ARHGAP44: variants seen among roughly 807,000 people sequenced by gnomAD.
ARHGAP44 encodes Rho GTPase activating protein 44.
Under a neutral mutation model 106.8 loss-of-function variants are expected in ARHGAP44, and 43 were observed. The ratio of observed to expected loss-of-function variants is 0.40; its 90% CI spans 0.32 to 0.52. ARHGAP44 has a LOEUF of 0.52. Ranked by LOEUF, ARHGAP44 falls within the 20% of genes least tolerant of loss-of-function variation. ARHGAP44 has a pLI of 0.48. For synonymous variants in ARHGAP44, 439 were observed against 410.3 expected, an observed-to-expected ratio of 1.07 and a Z score of -0.85; for missense variants, 866 against 1,050.5, an observed-to-expected ratio of 0.82 and a Z score of 2.43.
chr17:12,816,248 C>T (rs1254060482), intron 1 of ARHGAP44, among the ~76,000 whole-genome samples: 1 of 152,080 alleles, frequency 6.6e-6, no homozygotes, highest in Non-Finnish European at 1.5e-5. Flanking sequence ...TTTCTCTGCT[C>T]CTCAGCACTC....
At chr17:12,860,856 CTTTTTTT>C (rs71144929) in intron 1 of ARHGAP44, among the ~76,000 whole-genome samples, 64 of 135,850 alleles carry the variant, frequency 4.7e-4, no homozygotes, top group Middle Eastern at 4.3e-3. Context: ...TTTTTCTATT[CTTTTTTT>C]TTTTTTTTTT....
intron 1 of ARHGAP44, among the ~76,000 whole-genome samples, chr17:12,882,999 A>G (rs987303810): frequency 2.6e-5 from 4 of 151,976 alleles, no homozygotes; most frequent in African/African-American, 4.8e-5. Context: ...AAGTTTAGAA[A>G]GAAATATTTC....
chr17:12,886,798 A>C (rs1323269396), intron 1 of ARHGAP44, among the ~76,000 whole-genome samples: 1 of 151,948 alleles, frequency 6.6e-6, no homozygotes, highest in Non-Finnish European at 1.5e-5. Context: ...GTCATATTAC[A>C]CTAACTTAAA....
chr17:12,819,516 A>G (rs939640423), intron 1 of ARHGAP44, among the ~76,000 whole-genome samples: 8 of 151,874 alleles, frequency 5.3e-5, no homozygotes, highest in African/African-American at 1.7e-4. Context: ...AGGTATTTAT[A>G]TCATCTGTAC....
At chr17:12,905,580 G>A (rs1407336020) in intron 3 of ARHGAP44, among the ~76,000 whole-genome samples, 1 of 152,132 alleles carries the variant, frequency 6.6e-6, no homozygotes, top group Non-Finnish European at 1.5e-5. Context: ...CTTGGGCACA[G>A]TTTTCTGCTC....
intron 7 of ARHGAP44, among the ~76,000 whole-genome samples, chr17:12,939,918 A>G (rs1352555694): frequency 6.6e-6 from 1 of 152,218 alleles, no homozygotes; most frequent in African/African-American, 2.4e-5. Flanking sequence ...GAACTCTTGA[A>G]TGATGTTCTC....
intron 1 of ARHGAP44, among the ~76,000 whole-genome samples, chr17:12,883,130 G>C (rs1462688789): frequency 6.7e-6 from 1 of 150,206 alleles, no homozygotes; most frequent in East Asian, 1.9e-4. Flanking sequence ...ATTCTTTAGT[G>C]AATTTTGTCT....
At position 12,974,073 on chromosome 17, in the gene ARHGAP44, T is replaced by C; in HGVS notation, c.1542-16T>C. ...TGTTACGCGTGGGTAAGCGGTGTCT[T>C]TGTGTCCCTCGCCAGCATGGGTGTG... On this transcript the variant is annotated splice_polypyrimidine_tract_variant and intron_variant, in intron 17 of 20. Coordinates refer to ENST00000379672, the MANE Select transcript of ARHGAP44 (RefSeq NM_014859.6). 6.4e-7 allele frequency: 1 copy of C among 1,554,970 alleles called. No individual in the cohort carries two copies. Among genetic ancestry groups the C allele is most frequent in the Non-Finnish European group, 8.7e-7 (1 of 1,148,790 alleles).
At position 12,949,169 on chromosome 17, in the gene ARHGAP44, C is replaced by T; in HGVS notation, c.891C>T (p.Ser297=). The T allele has an allele frequency of 6.3e-7, 1 of 1,580,056 alleles. No homozygotes were observed. Among genetic ancestry groups the T allele is most frequent in the Non-Finnish European group, 8.6e-7 (1 of 1,163,108 alleles). Residue 297 remains serine, a synonymous_variant, in exon 11 of 21, where the codon TCC becomes TCT. Transcript: ENST00000379672. This position sits in a 1 kb window ranked among gnomAD's most constrained non-coding sequence, Gnocchi z 4.1. ...EGLFRVAPSA[S]KLKKLKAALD... is the part of the protein sequence containing the mutation. ...TCTTCCGAGTAGCCCCCTCTGCCTC[C>T]AAACTGAAGAAGCTGAAAGCGGCCC...
At chr17:12,842,100 C>T (rs1481820928) in intron 1 of ARHGAP44, among the ~76,000 whole-genome samples, 1 of 151,656 alleles carries the variant, frequency 6.6e-6, no homozygotes, top group Non-Finnish European at 1.5e-5. Context: ...GGACCCCGCT[C>T]CCAAAGATTT....
intron 1 of ARHGAP44, among the ~76,000 whole-genome samples, chr17:12,857,095 A>G (rs2035933342): frequency 6.6e-6 from 1 of 152,192 alleles, no homozygotes; most frequent in Non-Finnish European, 1.5e-5. Context: ...ATTAGTGCAA[A>G]GCCATTAATC....
At position 12,941,671 on chromosome 17, in the gene ARHGAP44, T is replaced by C. The variant is rs149340715; in HGVS notation, c.651+547T>C. 4.5e-3 allele frequency among the ~76,000 whole-genome samples: 679 copies of C among 152,314 alleles called. 6 individuals are homozygous for C. Among genetic ancestry groups the C allele is most frequent in the African/African-American group, 0.015 (620 of 41,562 alleles). On this transcript the variant is annotated intron_variant, in intron 8 of 20. Transcript: ENST00000379672. ...TATGAAAGGCAGTGACTGATAGGTA[T>C]ATGATGATTGATGTGGCCTGTTGGC...
intron 1 of ARHGAP44, among the ~76,000 whole-genome samples, chr17:12,802,999 G>T (rs2034165248): frequency 9.0e-6 from 1 of 111,576 alleles, no homozygotes; most frequent in Admixed American, 1.2e-4. Context: ...TTGAGGCAGA[G>T]TCTAGCTCTG....
At chr17:12,835,669 C>T (rs1447024631) in intron 1 of ARHGAP44, among the ~76,000 whole-genome samples, 1 of 152,074 alleles carries the variant, frequency 6.6e-6, no homozygotes, top group Non-Finnish European at 1.5e-5. Flanking sequence ...ATACAATTTA[C>T]CATCTTAACC....
intron 1 of ARHGAP44, among the ~76,000 whole-genome samples, chr17:12,848,213 T>C (rs928449530): frequency 1.3e-5 from 2 of 152,206 alleles, no homozygotes; most frequent in African/African-American, 4.8e-5. Flanking sequence ...CGTGTTCAAC[T>C]TACTTGATGA....
intron 20 of ARHGAP44, 22 bp from the exon 21 acceptor site, chr17:12,990,010 C>T (rs543861344): frequency 1.3e-6 from 2 of 1,590,892 alleles, no homozygotes; most frequent in South Asian, 2.2e-5. Flanking sequence ...TTTCAACCAC[C>T]TCTCTCTCTG....
chr17:12,905,252 T>A (rs1386966752), intron 3 of ARHGAP44, among the ~76,000 whole-genome samples: 2 of 152,056 alleles, frequency 1.3e-5, no homozygotes, highest in Non-Finnish European at 2.9e-5. Context: ...GAGGGAGAGG[T>A]TATGCTCCTT....
intron 1 of ARHGAP44, among the ~76,000 whole-genome samples, chr17:12,855,089 G>A (rs1274537538): frequency 6.6e-6 from 1 of 151,702 alleles, no homozygotes; most frequent in African/African-American, 2.4e-5. Context: ...AGCAGTAGAA[G>A]ACCACCTTGC....
intron 7 of ARHGAP44, among the ~76,000 whole-genome samples, chr17:12,931,835 T>G (rs1283979387): frequency 9.1e-6 from 1 of 109,618 alleles, no homozygotes; most frequent in Non-Finnish European, 1.8e-5. Flanking sequence ...TATTCCACAG[T>G]AGGGATACAC....
Sources: gnomAD v4.1 joint callset for allele counts (sites outside exome capture counted in the v4.1 genomes callset) on GRCh38, gnomAD v4.1.1 for gene constraint, Gnocchi (gnomAD v3.1) non-coding constraint, MANE v1.5 for transcripts, NCBI Gene and HGNC (gene_info 2026-07-23, HGNC 2026-07-21) for gene names.